The following STPG2 variants were observed in gnomAD, a reference collection of about 807,000 sequenced individuals.
STPG2 encodes sperm tail PG-rich repeat containing 2.
In STPG2, 56 loss-of-function variants were observed where a neutral mutation model predicts 54.2. The observed-to-expected ratio is 1.03, with a 90% CI of 0.83 to 1.29. The LOEUF (loss-of-function observed/expected upper bound fraction) is 1.29, where lower values mean the gene tolerates loss of function less well. Ranked by LOEUF, STPG2 falls within the 50% of genes most tolerant of loss-of-function variation. The pLI, the probability that STPG2 is intolerant of heterozygous loss-of-function variation, is 0.00. For synonymous variants in STPG2, 200 were observed against 181.8 expected (o/e 1.10, Z -0.81); for missense variants, 596 against 544.9 (o/e 1.09, Z -0.93).
At chr4:97,962,349 C>T (rs896645952) in intron 7 of STPG2, among the ~76,000 whole-genome samples, 6 of 151,976 alleles carry the variant, frequency 3.9e-5, no homozygotes, top group East Asian at 1.9e-4. Flanking sequence ...CCCCAATAGC[C>T]TGTGGAAATT....
chr4:97,731,622 C>CT (rs1724799225), intron 9 of STPG2, among the ~76,000 whole-genome samples: 1 of 152,118 alleles, frequency 6.6e-6, no homozygotes, highest in South Asian at 2.1e-4. Flanking sequence ...GATGCCTGGG[C>CT]TGTTAGGTGT....
At chr4:97,974,585 G>A (rs778417619) in intron 6 of STPG2, among the ~76,000 whole-genome samples, 3 of 152,114 alleles carry the variant, frequency 2.0e-5, no homozygotes, top group South Asian at 2.1e-4. Context: ...ATTGAATCAC[G>A]GGGGTGGGTC....
intron 5 of STPG2, among the ~76,000 whole-genome samples, chr4:98,095,174 A>G (rs766944290): frequency 6.6e-6 from 1 of 152,208 alleles, no homozygotes; most frequent in African/African-American, 2.4e-5. Context: ...ATCAAAAAAC[A>G]TACAACATAT....
At chr4:98,061,992 T>C (rs1033169979) in intron 5 of STPG2, among the ~76,000 whole-genome samples, 1 of 152,126 alleles carries the variant, frequency 6.6e-6, no homozygotes, top group Non-Finnish European at 1.5e-5. Flanking sequence ...AAGACACATG[T>C]ACATGAATGT....
At chr4:98,137,355 G>A (rs531853514) in intron 1 of STPG2, among the ~76,000 whole-genome samples, 7 of 151,752 alleles carry the variant, frequency 4.6e-5, no homozygotes, top group Admixed American at 2.6e-4. Flanking sequence ...TTTAACTGTA[G>A]GGCAGAAAGA....
At chr4:97,989,007 C>A (rs373494210) in intron 5 of STPG2, among the ~76,000 whole-genome samples, 1 of 151,978 alleles carries the variant, frequency 6.6e-6, no homozygotes, top group Admixed American at 6.6e-5. Flanking sequence ...TAAAAATTTA[C>A]GAGAAACTAA....
intron 9 of STPG2, among the ~76,000 whole-genome samples, chr4:97,816,846 TC>T (rs1246144234): frequency 6.6e-6 from 1 of 151,106 alleles, no homozygotes; most frequent in Non-Finnish European, 1.5e-5. Flanking sequence ...CCTGCCTTCC[TC>T]CTTCCTTTCT....
chr4:98,079,210 A>G (rs1738263444), intron 5 of STPG2, among the ~76,000 whole-genome samples: 1 of 152,246 alleles, frequency 6.6e-6, no homozygotes, highest in Admixed American at 6.5e-5. Context: ...GTTGATTAAA[A>G]TAAACAATAT....
intron 9 of STPG2, among the ~76,000 whole-genome samples, chr4:97,789,690 T>G (rs1726933562): frequency 6.6e-6 from 1 of 152,174 alleles, no homozygotes; most frequent in African/African-American, 2.4e-5. Flanking sequence ...ACTGACTGAA[T>G]GAAAACTTTT....
chr4:98,122,795 T>G (rs1739717286), intron 3 of STPG2, among the ~76,000 whole-genome samples: 1 of 152,218 alleles, frequency 6.6e-6, no homozygotes, highest in African/African-American at 2.4e-5. Context: ...AATTTAGCTG[T>G]AAATCTGTCT....
intron 8 of STPG2, 124 bp downstream of exon 8, chr4:97,943,773 T>A (rs1733091158): frequency 1.6e-6 from 1 of 608,960 alleles, no homozygotes. Context: ...AGTATCGGTC[T>A]AGCCAAGGAG....
At chr4:97,697,361 TC>T (rs1401580138) in intron 10 of STPG2, among the ~76,000 whole-genome samples, 1 of 152,052 alleles carries the variant, frequency 6.6e-6, no homozygotes, top group African/African-American at 2.4e-5. Flanking sequence ...ATTAAAAGCA[TC>T]CCAGGCACCC....
intron 4 of STPG2, among the ~76,000 whole-genome samples, chr4:97,496,818 C>T (rs1730621827): frequency 6.6e-6 from 1 of 151,722 alleles, no homozygotes; most frequent in African/African-American, 2.4e-5. Flanking sequence ...AGGTGAGACT[C>T]ACCATGTGGC....
At chr4:97,848,986 C>A (rs1393504987) in intron 8 of STPG2, among the ~76,000 whole-genome samples, 2 of 149,138 alleles carry the variant, frequency 1.3e-5, no homozygotes, top group South Asian at 4.3e-4. Flanking sequence ...GATGTGGGCT[C>A]TTTTTTGGTT....
intron 5 of STPG2, among the ~76,000 whole-genome samples, chr4:98,036,251 A>G (rs1736775666): frequency 6.6e-6 from 1 of 152,114 alleles, no homozygotes; most frequent in South Asian, 2.1e-4. Context: ...AAGTATGGTG[A>G]TTCCTCAAAG....
chr4:97,870,107 G>T (rs1488758795), intron 8 of STPG2, among the ~76,000 whole-genome samples: 1 of 151,442 alleles, frequency 6.6e-6, no homozygotes, highest in African/African-American at 2.4e-5. Flanking sequence ...CTTCTGCCCT[G>T]TCCTCTCTTA....
intron 9 of STPG2, among the ~76,000 whole-genome samples, chr4:97,803,108 C>T (rs928050743): frequency 6.6e-6 from 1 of 152,018 alleles, no homozygotes; most frequent in African/African-American, 2.4e-5. Context: ...GTTTGGCTTC[C>T]AGGCCTACTC....
chr4:97,903,410 G>A (rs192041244), intron 8 of STPG2, among the ~76,000 whole-genome samples: 62 of 150,490 alleles, frequency 4.1e-4, no homozygotes, highest in East Asian at 3.1e-3. Flanking sequence ...TTAAAAAATG[G>A]CCAAAAATCA....
intron 10 of STPG2, among the ~76,000 whole-genome samples, chr4:97,693,500 T>C (rs1723447856): frequency 6.6e-6 from 1 of 152,092 alleles, no homozygotes; most frequent in Non-Finnish European, 1.5e-5. Context: ...CCTAAATATA[T>C]ATGCACTAAC....
Sources: allele counts gnomAD v4.1 joint callset (sites outside exome capture counted in the v4.1 genomes callset), GRCh38; gene constraint gnomAD v4.1.1; transcripts MANE v1.5; gene names NCBI Gene and HGNC (gene_info 2026-07-23, HGNC 2026-07-21).